Variants in STARD9 observed in about 807,000 individuals in gnomAD.
STARD9 encodes the protein stAR-related lipid transfer protein 9.
In STARD9, 346 loss-of-function variants were observed where a neutral mutation model predicts 399.8. That is an observed-to-expected ratio of 0.87 (90% CI 0.79 to 0.95). The LOEUF is 0.95. STARD9 is among the 40% of genes least tolerant of loss of function. The pLI is 0.00. For synonymous variants in STARD9, 2,203 were observed against 2,143.5 expected, an observed-to-expected ratio of 1.03 and a Z score of -0.77; for missense variants, 5,832 against 5,667.5, an observed-to-expected ratio of 1.03 and a Z score of -0.93.
At chr15:42,672,520 T>A (rs186482580) in intron 16 of STARD9, 1 of 152,254 alleles carries the variant, frequency 6.6e-6, no homozygotes, top group African/African-American at 2.4e-5. Context: ...ATGAAAAGTT[T>A]CGACCGTTTT....
At chr15:42,614,762 C>T (rs930639276) in intron 3 of STARD9, among the ~76,000 whole-genome samples, 1 of 152,068 alleles carries the variant, frequency 6.6e-6, no homozygotes, top group Non-Finnish European at 1.5e-5. Context: ...GTCAGGACTT[C>T]AAGACCAGCC....
chr15:42,673,342 C>T (rs2060240897), intron 16 of STARD9, among the ~76,000 whole-genome samples: 2 of 152,224 alleles, frequency 1.3e-5, no homozygotes, highest in South Asian at 4.1e-4. Flanking sequence ...GCGAAGGTTG[C>T]AGTGAGCTGA....
chr15:42,589,264 C>T (rs923956906), intron 3 of STARD9, among the ~76,000 whole-genome samples: 1 of 152,082 alleles, frequency 6.6e-6, no homozygotes. Context: ...ATTGTCTAGG[C>T]TGGTCTTGAG....
At position 42,693,595 on chromosome 15, in the gene STARD9, G is replaced by A; in HGVS notation, c.12017G>A (p.Arg4006Lys). ...LGQHPQQLQP[R>K]TTIGVQSRLL... Reference sequence around the variant, plus strand: ...CAGCACCCTCAGCAGCTTCAGCCCAGGACAACTATCGGGGTCCAAAGCAGA... The same window carrying A: ...CAGCACCCTCAGCAGCTTCAGCCCAAGACAACTATCGGGGTCCAAAGCAGA... Residue 4006 changes from arginine (R) to lysine (K), a missense_variant, in exon 23 of 33, where the codon AGG (arginine) becomes AAG (lysine). Physicochemically the swap from Arg to Lys is conservative, Grantham distance 26. Coordinates refer to ENST00000290607, the MANE Select transcript of STARD9 (RefSeq NM_020759.3). The A allele has an allele frequency of 6.5e-7, 1 of 1,537,258 alleles. No homozygotes were observed. Among genetic ancestry groups the A allele is most frequent in the East Asian group, 2.4e-5 (1 of 40,920 alleles).
chr15:42,624,837 A>G (rs1388518849), intron 3 of STARD9, among the ~76,000 whole-genome samples: 3 of 152,056 alleles, frequency 2.0e-5, no homozygotes, highest in Admixed American at 1.3e-4. Flanking sequence ...GCATGAGAGA[A>G]TAATTTTCAT....
intron 11 of STARD9, 42 bp downstream of exon 11, chr15:42,662,933 A>C (rs1287966689): frequency 1.5e-6 from 2 of 1,338,580 alleles, no homozygotes; most frequent in Non-Finnish European, 2.1e-6. Flanking sequence ...GAGAGTTCGG[A>C]AAATAACTCA....
At chr15:42,579,920 G>A (rs2058132998) in intron 1 of STARD9, among the ~76,000 whole-genome samples, 1 of 152,174 alleles carries the variant, frequency 6.6e-6, no homozygotes, top group Non-Finnish European at 1.5e-5. Context: ...TACCCACCAA[G>A]TGGAGGCTAA....
chr15:42,693,403 A>T lies in STARD9; in HGVS notation c.11825A>T (p.Asp3942Val), dbSNP rs747116102. ...QKLDSSPDPV[D>V]APRTPMDNYS... ...CTTGACTCCAGCCCAGACCCTGTTG[A>T]TGCCCCAAGGACTCCAATGGATAAT... Residue 3942 changes from aspartate (D) to valine (V), a missense_variant, in exon 23 of 33, where the codon GAT (aspartate) becomes GTT (valine). By Grantham distance (152) the Asp-to-Val change is radical (BLOSUM62 -3). Transcript: ENST00000290607. 11 of 1,537,186 alleles carry T rather than the reference A, an allele frequency of 7.2e-6. No individual in the cohort carries two copies. The highest frequency in any genetic ancestry group is 1.7e-4 in the Middle Eastern group (1 of 5,990).
intron 14 of STARD9, 119 bp downstream of exon 14, chr15:42,665,449 C>A: frequency 2.5e-6 from 2 of 794,800 alleles, no homozygotes; most frequent in Non-Finnish European, 4.0e-6. Context: ...TCTCTTACGG[C>A]AGAGACAGGA....
rs1484384617 is a variant in STARD9 at position 42,692,946 on chromosome 15, A to G, written c.11368A>G (p.Thr3790Ala). 2 of 1,537,222 alleles carry G rather than the reference A, an allele frequency of 1.3e-6. No homozygotes were observed. Among genetic ancestry groups the G allele is most frequent in the Admixed American group, 3.9e-5 (2 of 51,006 alleles). The change falls in exon 23 of 33, where the codon ACA becomes GCA. Residue 3790 changes from threonine (T) to alanine (A), a missense_variant. Physicochemically the swap from Thr to Ala is moderately conservative, Grantham distance 58. Around this residue, in one of 2 missense-constraint regions of STARD9, gnomAD observed 5,828 missense variants for 5,651.1 expected, o/e 1.03. Coordinates refer to ENST00000290607, the MANE Select transcript of STARD9 (RefSeq NM_020759.3). ...GVPQKREAEE[T>A]AQKMAQLLYL... Reference sequence around the variant, plus strand: ...ACCTCAGAAGAGAGAGGCAGAGGAAACAGCACAGAAAATGGCTCAGCTCCT... The same window carrying G: ...ACCTCAGAAGAGAGAGGCAGAGGAAGCAGCACAGAAAATGGCTCAGCTCCT...
chr15:42,690,537 T>G lies in STARD9; in HGVS notation c.8959T>G (p.Phe2987Val). 6.5e-7 allele frequency: 1 copy of G among 1,537,158 alleles called. No homozygotes were observed. Among genetic ancestry groups the G allele is most frequent in the Non-Finnish European group, 8.7e-7 (1 of 1,146,908 alleles). Residue 2987 changes from phenylalanine to valine, a missense_variant, in exon 23 of 33, where the codon TTC becomes GTC. Physicochemically the swap from Phe to Val is conservative, Grantham distance 50 (BLOSUM62 -1). This residue lies in a region of STARD9 where 5,828 missense variants were observed against 5,651.1 expected (regional missense o/e 1.03). Transcript: ENST00000290607. ...FRDGDLGKEP[F>V]KAAPHTIHPP... ...AGATGGTGACCTAGGGAAGGAGCCT[T>G]TCAAGGCTGCCCCACATACTATCCA...
chr15:42,649,407 T>G (rs2059712555), intron 7 of STARD9, among the ~76,000 whole-genome samples: 1 of 152,218 alleles, frequency 6.6e-6, no homozygotes. Context: ...TCACTCATTC[T>G]TTCTTCAGCT....
At position 42,648,819 on chromosome 15, in the gene STARD9, T is replaced by C. The variant is rs529590315; in HGVS notation, c.560-2197T>C. 3.9e-5 allele frequency among the ~76,000 whole-genome samples: 6 copies of C among 152,262 alleles called. 1 individual carries two copies. In the South Asian group the frequency reaches 1.2e-3, roughly 32 times the overall value. On this transcript the variant is annotated intron_variant, in intron 7 of 32. Coordinates refer to ENST00000290607, the MANE Select transcript of STARD9 (RefSeq NM_020759.3). ...AATCCTTCTATCCCATTCTTTCCTC[T>C]TCTTTTGGGACTCTAATTACAGGTA...
chr15:42,665,335 GCAGA>G lies in STARD9; in HGVS notation c.1254+9_1254+12del, dbSNP rs1170839507. On this transcript the variant is annotated splice_donor_region_variant and intron_variant, in intron 14 of 32. Transcript: ENST00000290607. ...CTGCTGCTGAGCTTTGAACTGGTAT[GCAGA>G]CAGTCAGAACCTTTCCGTACTTAAG... 2.0e-6 allele frequency: 3 copies of G among 1,535,382 alleles called. No homozygotes were observed. Among genetic ancestry groups the G allele is most frequent in the Non-Finnish European group, 2.6e-6 (3 of 1,145,482 alleles).
chr15:42,602,524 C>G (rs911015904), intron 3 of STARD9, among the ~76,000 whole-genome samples: 1 of 152,174 alleles, frequency 6.6e-6, no homozygotes, highest in Admixed American at 6.5e-5. Flanking sequence ...AGCACTGACT[C>G]AAGGGATCAG....
rs1434638733 is a variant in STARD9, at chr15:42,613,174, T to C, written c.235-21682T>C. On this transcript the variant is annotated intron_variant, in intron 3 of 32. Transcript: ENST00000290607. Reference sequence around the variant, plus strand: ...GTATAATGAGTGTATGTATCTGTTATCTCTATATAAACTCCTCCTATTTGT... The same window carrying C: ...GTATAATGAGTGTATGTATCTGTTACCTCTATATAAACTCCTCCTATTTGT... Among the ~76,000 whole-genome samples, 5 of 152,294 alleles carry C rather than the reference T, an allele frequency of 3.3e-5. No homozygotes were observed. In the East Asian group the frequency reaches 9.6e-4, roughly 29 times the overall value.
At position 42,687,027 on chromosome 15, in the gene STARD9, G is replaced by A. The variant is rs1301864984; in HGVS notation, c.5449G>A (p.Ala1817Thr). 4.6e-6 allele frequency: 7 copies of A among 1,537,002 alleles called. No individual in the cohort carries two copies. The highest frequency in any genetic ancestry group is 1.4e-5 in the African/African-American group (1 of 73,036). The change falls in exon 23 of 33, where the codon GCT (alanine) becomes ACT (threonine). Residue 1817 changes from alanine to threonine, a missense_variant. By Grantham distance (58) the Ala-to-Thr change is moderately conservative. Coordinates refer to ENST00000290607, the MANE Select transcript of STARD9 (RefSeq NM_020759.3). The stretch of plus-strand genomic sequence containing the variant: ...GATTGCCTCATCTCAGCAGGTCACA[G>A]CTGAGATACCAGTTGATCTGAATAC... ...SKIASSQQVT[A>T]EIPVDLNTRE... is the part of the protein sequence containing the mutation.
At chr15:42,596,302 T>C (rs182830950) in intron 3 of STARD9, among the ~76,000 whole-genome samples, 28 of 152,318 alleles carry the variant, frequency 1.8e-4, no homozygotes, top group African/African-American at 6.5e-4. Flanking sequence ...TTCTCTTGCT[T>C]GGATCTGCAA....
chr15:42,633,067 A>G (rs1242830748), intron 3 of STARD9, among the ~76,000 whole-genome samples: 2 of 151,998 alleles, frequency 1.3e-5, no homozygotes, highest in Non-Finnish European at 2.9e-5. Context: ...GTTTGAGCCC[A>G]GGAGGTCAAG....
Sources: allele counts gnomAD v4.1 joint callset (sites outside exome capture counted in the v4.1 genomes callset), GRCh38; gene constraint gnomAD v4.1.1; regional missense constraint gnomAD v4.1.1; transcripts MANE v1.5; gene names NCBI Gene and HGNC (gene_info 2026-07-23, HGNC 2026-07-21).